The following ICA1L variants were observed in gnomAD, a reference collection of about 807,000 sequenced individuals.
The protein encoded by ICA1L is islet cell autoantigen 1 like.
In ICA1L, 50 loss-of-function variants were observed where a neutral mutation model predicts 61.3. That is an observed-to-expected ratio of 0.82 (90% CI 0.65 to 1.03). ICA1L has a LOEUF of 1.03. Among genes scored for constraint, ICA1L ranks in the 50% least tolerant of loss-of-function variants. The probability of loss-of-function intolerance (pLI) is 0.00; values close to 1 mark genes in which losing one functional copy is unlikely to be tolerated. For missense variants in ICA1L, 508 were observed against 556.7 expected, an observed-to-expected ratio of 0.91 and a Z score of 0.88; for synonymous variants, 161 against 191.3, an observed-to-expected ratio of 0.84 and a Z score of 1.31.
intron 1 of ICA1L, among the ~76,000 whole-genome samples, chr2:202,858,442 A>G (rs1694821827): frequency 6.6e-6 from 1 of 152,210 alleles, no homozygotes; most frequent in Non-Finnish European, 1.5e-5. Context: ...GGACACAGGG[A>G]GGGGAACATC....
At chr2:202,836,800 T>TATATAGATATATAGATATATAGATATAG (rs1694161150) in intron 1 of ICA1L, among the ~76,000 whole-genome samples, 23 of 145,806 alleles carry the variant, frequency 1.6e-4, no homozygotes, top group Non-Finnish European at 2.6e-4. Context: ...TATATCTATA[T>TATATAGATATATAGATATATAGATATAG]ATATAGATAT....
At chr2:202,867,930 A>C (rs550497273) in intron 1 of ICA1L, among the ~76,000 whole-genome samples, 1 of 152,370 alleles carries the variant, frequency 6.6e-6, no homozygotes, top group Admixed American at 6.5e-5. Flanking sequence ...CAAAATGGCC[A>C]AAAATTAGAA....
Position 202,815,956 on chromosome 2 carries a change from A to T in ICA1L, c.738T>A (p.His246Gln). ...KKTARMMSQI[H>Q]EACIGFHPYD... ...ACGGATGAAAGCCAATACAGGCTTC[A>T]TGAATTTGGGACATCATTCGAGCTG... Residue 246 changes from histidine (H) to glutamine (Q), a missense_variant, in exon 7 of 13, where the codon CAT becomes CAA. Physicochemically the swap from His to Gln is conservative, Grantham distance 24. Transcript: ENST00000358299. 6.2e-7 allele frequency: 1 copy of T among 1,605,458 alleles called. No individual in the cohort carries two copies. The highest frequency in any genetic ancestry group is 8.5e-7 in the Non-Finnish European group (1 of 1,176,694).
Position 202,779,548 on chromosome 2 carries a change from T to G in ICA1L, c.1434A>C (p.Glu478Asp). ...NPDAIGHSDDELLNA is the reference protein window; with the variant it reads ...NPDAIGHSDDDLLNA ...ATAACTTCAGTCAAGCATTAAGAAGTTCATCATCTGAGTGTCCAATAGCAT... is the reference window on the plus strand; with the variant it reads ...ATAACTTCAGTCAAGCATTAAGAAGGTCATCATCTGAGTGTCCAATAGCAT... Residue 478 changes from glutamate to aspartate, a missense_variant, in exon 13 of 13, where the codon GAA becomes GAC. Coordinates refer to ENST00000358299, the MANE Select transcript of ICA1L (RefSeq NM_001288622.3). The G allele has an allele frequency of 6.2e-7, 1 of 1,602,882 alleles. No individual in the cohort carries two copies. The highest frequency in any genetic ancestry group is 8.5e-7 in the Non-Finnish European group (1 of 1,171,556).
intron 9 of ICA1L, among the ~76,000 whole-genome samples, chr2:202,797,363 GGAAT>G (rs747668827): frequency 2.0e-5 from 3 of 152,074 alleles, no homozygotes; most frequent in African/African-American, 7.2e-5. Context: ...CATTTTACAT[GGAAT>G]GAATGAATAT....
chr2:202,820,762 C>G (rs1000335394), intron 4 of ICA1L, among the ~76,000 whole-genome samples: 2 of 152,170 alleles, frequency 1.3e-5, no homozygotes, highest in African/African-American at 4.8e-5. Context: ...GACTTTTGCA[C>G]TGATGTGATG....
chr2:202,836,798 T>TATATATAGATATATATAG (rs1180868092), intron 1 of ICA1L, among the ~76,000 whole-genome samples: 3 of 147,758 alleles, frequency 2.0e-5, no homozygotes. Flanking sequence ...TGTATATCTA[T>TATATATAGATATATATAG]ATATATAGAT....
At position 202,779,420 on chromosome 2, in the gene ICA1L, T is replaced by C. The variant is rs1361515878; in HGVS notation, c.*113A>G. On this transcript the variant is annotated 3_prime_UTR_variant, in exon 13 of 13. Transcript: ENST00000358299. Reference sequence around the variant, plus strand: ...GTCTAAAGTTGGCTGACAGGTGTTATATTCACAAACACCGTGCTTTTGTGT... The same window carrying C: ...GTCTAAAGTTGGCTGACAGGTGTTACATTCACAAACACCGTGCTTTTGTGT... 3.3e-6 allele frequency: 2 copies of C among 606,294 alleles called. No individual in the cohort carries two copies. Among genetic ancestry groups the C allele is most frequent in the South Asian group, 2.3e-5 (1 of 43,052 alleles). 37.6% of individuals were successfully genotyped at this position (606,294 alleles called of 1,614,324 possible).
intron 1 of ICA1L, among the ~76,000 whole-genome samples, chr2:202,857,673 T>G (rs998591818): frequency 4.6e-5 from 7 of 152,102 alleles, no homozygotes; most frequent in Non-Finnish European, 1.0e-4. Context: ...GAAACTATCA[T>G]CAAAGTGAAC....
rs1456090489 is a variant in ICA1L, at chr2:202,828,925, C to T, written c.85G>A (p.Val29Ile). 6.2e-7 allele frequency: 1 copy of T among 1,613,314 alleles called. No individual in the cohort carries two copies. The highest frequency in any genetic ancestry group is 1.7e-5 in the Admixed American group (1 of 59,890). ...TTTTTTCCTGTTGCTTTGATAAAGA[C>T]CTGTTTAGTTTTCCAGTATTTCTTT... Reference protein sequence around the residue: ...MQKKYWKTKQVFIKATGKKED... With the variant: ...MQKKYWKTKQIFIKATGKKED... The change falls in exon 2 of 13, where the codon GTC becomes ATC. Residue 29 changes from valine to isoleucine, a missense_variant. By Grantham distance (29) the Val-to-Ile change is conservative. Coordinates refer to ENST00000358299, the MANE Select transcript of ICA1L (RefSeq NM_001288622.3).
At position 202,776,971 on chromosome 2, in the gene ICA1L, T is replaced by C. The variant is rs973931746; in HGVS notation, c.*2562A>G. 6.7e-6 allele frequency: 1 copy of C among 149,308 alleles called. No individual in the cohort carries two copies. The highest frequency in any genetic ancestry group is 2.5e-5 in the African/African-American group (1 of 40,584). 9.2% of individuals were successfully genotyped at this position (149,308 alleles called of 1,614,324 possible). On this transcript the variant is annotated 3_prime_UTR_variant, in exon 13 of 13. Transcript: ENST00000358299. ...TGCACACATGTGAGGGAGATAAATATCTCAGAACTAATGCATTAGCAAGGT... is the reference window on the plus strand; with the variant it reads ...TGCACACATGTGAGGGAGATAAATACCTCAGAACTAATGCATTAGCAAGGT...
At chr2:202,795,003 A>T (rs1692879120) in intron 10 of ICA1L, among the ~76,000 whole-genome samples, 1 of 34,806 alleles carries the variant, frequency 2.9e-5, no homozygotes, top group African/African-American at 1.1e-4. Flanking sequence ...TAGCTAAGAA[A>T]ATAATAAAAA....
chr2:202,803,712 G>A (rs1212954208), intron 9 of ICA1L, among the ~76,000 whole-genome samples: 2 of 151,948 alleles, frequency 1.3e-5, no homozygotes, highest in Non-Finnish European at 2.9e-5. Flanking sequence ...ATTTTTTGTA[G>A]AGACGGGGTT....
chr2:202,847,547 G>C (rs900314277), intron 1 of ICA1L, among the ~76,000 whole-genome samples: 1 of 151,756 alleles, frequency 6.6e-6, no homozygotes, highest in Admixed American at 6.6e-5. Context: ...AGTAAAATAC[G>C]AATAATGAAG....
intron 10 of ICA1L, among the ~76,000 whole-genome samples, chr2:202,790,929 TA>T (rs1295204300): frequency 6.6e-6 from 1 of 152,188 alleles, no homozygotes; most frequent in African/African-American, 2.4e-5. Flanking sequence ...AAGCCGACCA[TA>T]AAACTGATGG....
intron 1 of ICA1L, 70 bp from the exon 2 acceptor site, chr2:202,829,086 C>T (rs1435282612): frequency 9.9e-6 from 13 of 1,314,586 alleles, no homozygotes; most frequent in African/African-American, 1.5e-5. Flanking sequence ...CGGTGGCTCA[C>T]GCCTGTAATT....
chr2:202,780,125 A>T (rs1314571235), intron 12 of ICA1L, among the ~76,000 whole-genome samples: 1 of 152,240 alleles, frequency 6.6e-6, no homozygotes, highest in Non-Finnish European at 1.5e-5. Flanking sequence ...GTTTAAAAGT[A>T]AACTTGTTCA....
At chr2:202,779,675 A>AAAG in intron 12 of ICA1L, 27 bp from the exon 13 acceptor site, 1 of 1,283,762 alleles carries the variant, frequency 7.8e-7, no homozygotes, top group East Asian at 2.3e-5. Flanking sequence ...AAAATACATT[A>AAAG]AAGAGATTCA....
chr2:202,803,650 C>A (rs1693150829), intron 9 of ICA1L, among the ~76,000 whole-genome samples: 1 of 152,020 alleles, frequency 6.6e-6, no homozygotes, highest in South Asian at 2.1e-4. Context: ...ATCGTTCCTC[C>A]TCAGTTTCTG....
Sources: allele counts gnomAD v4.1 joint callset (sites outside exome capture counted in the v4.1 genomes callset), GRCh38; gene constraint gnomAD v4.1.1; transcripts MANE v1.5; gene names NCBI Gene and HGNC (gene_info 2026-07-23, HGNC 2026-07-21).